Variants in PPP1R12B observed in about 807,000 individuals in gnomAD.
PPP1R12B encodes myosin phosphatase target subunit 2.
PPP1R12B carries 76 observed loss-of-function variants against 126.1 expected under a neutral mutation model. That is an observed-to-expected ratio of 0.60 (90% CI 0.50 to 0.73). The LOEUF is 0.73. Among genes scored for constraint, PPP1R12B ranks in the 30% least tolerant of loss-of-function variants. The pLI, the probability that PPP1R12B is intolerant of heterozygous loss-of-function variation, is 0.00. For missense variants in PPP1R12B, 1,052 were observed against 1,205.1 expected, an observed-to-expected ratio of 0.87 and a Z score of 1.88; for synonymous variants, 356 against 434.7, an observed-to-expected ratio of 0.82 and a Z score of 2.25.
intron 1 of PPP1R12B, among the ~76,000 whole-genome samples, chr1:202,394,806 TAA>T (rs1664702081): frequency 6.7e-6 from 1 of 149,668 alleles, no homozygotes; most frequent in Non-Finnish European, 1.5e-5. Context: ...AAAAAAGAAA[TAA>T]AAGAGAAGAG....
At chr1:202,452,202 T>G (rs1437863859) in intron 13 of PPP1R12B, among the ~76,000 whole-genome samples, 3 of 152,096 alleles carry the variant, frequency 2.0e-5, no homozygotes, top group Non-Finnish European at 4.4e-5. Context: ...GGCAGGCAGC[T>G]GGGAGGTGGA....
chr1:202,429,331 A>G (rs1263402599), intron 6 of PPP1R12B, among the ~76,000 whole-genome samples: 1 of 152,228 alleles, frequency 6.6e-6, no homozygotes, highest in Non-Finnish European at 1.5e-5. Flanking sequence ...AAGCACATTT[A>G]TTACAGAGAA....
intron 18 of PPP1R12B, among the ~76,000 whole-genome samples, chr1:202,509,882 C>A (rs915349980): frequency 6.6e-6 from 1 of 152,078 alleles, no homozygotes; most frequent in Non-Finnish European, 1.5e-5. Context: ...AATCCTGATT[C>A]TTCAACAATT....
intron 18 of PPP1R12B, among the ~76,000 whole-genome samples, chr1:202,497,749 A>G (rs1417037527): frequency 6.6e-6 from 1 of 152,186 alleles, no homozygotes; most frequent in Non-Finnish European, 1.5e-5. Flanking sequence ...TCATAAAGGC[A>G]AGCTATGTGG....
At chr1:202,540,037 T>C (rs1558349452) in intron 18 of PPP1R12B, 1 of 1,403,084 alleles carries the variant, frequency 7.1e-7, no homozygotes, top group Non-Finnish European at 9.4e-7. Flanking sequence ...TCATCTTGCA[T>C]CAACTCAAAA....
intron 18 of PPP1R12B, among the ~76,000 whole-genome samples, chr1:202,505,822 T>C (rs752878781): frequency 4.2e-4 from 64 of 152,300 alleles, no homozygotes; most frequent in Non-Finnish European, 3.4e-4. Flanking sequence ...TAATAAAATA[T>C]AGATTTTTCT....
intron 12 of PPP1R12B, among the ~76,000 whole-genome samples, chr1:202,445,853 G>GT (rs1463482337): frequency 1.3e-5 from 2 of 152,168 alleles, no homozygotes; most frequent in Admixed American, 6.5e-5. Context: ...TTTAGCTGTA[G>GT]TTTTAACTGT....
At chr1:202,442,616 C>T (rs145045331) in intron 12 of PPP1R12B, 44 bp downstream of exon 12, 62 of 1,558,714 alleles carry the variant, frequency 4.0e-5, no homozygotes, top group Middle Eastern at 3.4e-4. Context: ...TTCACTCTAG[C>T]CATGGGAAAT....
intron 5 of PPP1R12B, among the ~76,000 whole-genome samples, chr1:202,428,330 T>C (rs566389343): frequency 4.6e-5 from 7 of 152,254 alleles, no homozygotes; most frequent in Non-Finnish European, 1.0e-4. Context: ...GATATTCTTA[T>C]CTGTGTCACA....
At chr1:202,496,682 T>C in intron 17 of PPP1R12B, 99 bp from the exon 18 acceptor site, 1 of 1,068,052 alleles carries the variant, frequency 9.4e-7, no homozygotes, top group Admixed American at 2.2e-5. Flanking sequence ...TGCCCATGTT[T>C]GAAATGCCAA....
intron 18 of PPP1R12B, among the ~76,000 whole-genome samples, chr1:202,546,557 T>G (rs573209115): frequency 2.7e-4 from 41 of 152,008 alleles, no homozygotes; most frequent in South Asian, 6.2e-4. Flanking sequence ...TGAGCCATGA[T>G]TGCACCACTG....
intron 13 of PPP1R12B, among the ~76,000 whole-genome samples, chr1:202,449,932 C>T (rs1159924203): frequency 6.6e-6 from 1 of 152,120 alleles, no homozygotes; most frequent in African/African-American, 2.4e-5. Context: ...GTGATCCGCC[C>T]GCCTCGGCCT....
At chr1:202,418,891 C>A (rs1387126099) in intron 2 of PPP1R12B, among the ~76,000 whole-genome samples, 1 of 152,030 alleles carries the variant, frequency 6.6e-6, no homozygotes, top group Non-Finnish European at 1.5e-5. Flanking sequence ...TAAATAAGAT[C>A]AGTCCGTGAT....
chr1:202,411,700 C>G (rs1443288772), intron 1 of PPP1R12B, among the ~76,000 whole-genome samples: 1 of 151,948 alleles, frequency 6.6e-6, no homozygotes, highest in East Asian at 1.9e-4. Context: ...CTTTACAAAA[C>G]CTTATGAGGT....
chr1:202,441,297 G>C (rs1558232116), intron 11 of PPP1R12B, among the ~76,000 whole-genome samples: 1 of 152,122 alleles, frequency 6.6e-6, no homozygotes. Flanking sequence ...AGCGGTATTG[G>C]CATCACCCGG....
At chr1:202,427,493 A>G (rs1435731795) in intron 5 of PPP1R12B, among the ~76,000 whole-genome samples, 1 of 152,222 alleles carries the variant, frequency 6.6e-6, no homozygotes, top group Non-Finnish European at 1.5e-5. Flanking sequence ...GTGGTGAGGT[A>G]TGAAAGATTT....
At chr1:202,377,835 T>TG (rs1558150036) in intron 1 of PPP1R12B, among the ~76,000 whole-genome samples, 2 of 39,802 alleles carry the variant, frequency 5.0e-5, no homozygotes, top group East Asian at 2.6e-3. Context: ...GACAGGTGTT[T>TG]TTTTTTTTTT....
At chr1:202,394,507 C>T (rs1196625563) in intron 1 of PPP1R12B, among the ~76,000 whole-genome samples, 3 of 152,090 alleles carry the variant, frequency 2.0e-5, no homozygotes, top group African/African-American at 7.2e-5. Context: ...GTAATCCAAG[C>T]ACTTTGGGAG....
At position 202,467,851 on chromosome 1, in the gene PPP1R12B, G is replaced by C. The variant is rs1414167014; in HGVS notation, c.1850+18680G>C. 4.6e-5 allele frequency among the ~76,000 whole-genome samples: 7 copies of C among 152,146 alleles called. No individual in the cohort carries two copies. In the South Asian group the frequency reaches 1.2e-3, roughly 27 times the overall value. On this transcript the variant is annotated intron_variant, in intron 13 of 23. Coordinates refer to ENST00000608999, the MANE Select transcript of PPP1R12B (RefSeq NM_002481.4). ...TTACAGTCCCACCAACAGTGTAAAA[G>C]TGTTCCTATTTCTCCACATCCTCTC... is the stretch of plus-strand genomic sequence containing the variant.
Sources: gnomAD v4.1 joint callset for allele counts (sites outside exome capture counted in the v4.1 genomes callset) on GRCh38, gnomAD v4.1.1 for gene constraint, MANE v1.5 for transcripts, NCBI Gene and HGNC (gene_info 2026-07-23, HGNC 2026-07-21) for gene names.